The following EPHB1 variants were observed in gnomAD, a reference collection of about 807,000 sequenced individuals.
The protein encoded by EPHB1 is ephrin type-B receptor 1.
A neutral mutation model predicts 94.4 loss-of-function variants in EPHB1; 30 were observed. That is an observed-to-expected ratio of 0.32 (90% CI 0.24 to 0.43). The LOEUF is 0.43. EPHB1 is among the 20% of genes least tolerant of loss of function. The pLI is 1.00. For synonymous variants in EPHB1, 522 were observed against 489.1 expected (o/e 1.07, Z -0.89); for missense variants, 1,055 against 1,308.3 (o/e 0.81, Z 2.99).
At chr3:135,138,932 C>G (rs1367941857) in intron 5 of EPHB1, among the ~76,000 whole-genome samples, 2 of 152,204 alleles carry the variant, frequency 1.3e-5, no homozygotes, top group Non-Finnish European at 2.9e-5. Context: ...CTCAGAGGGT[C>G]GGCAGATGGC....
intron 12 of EPHB1, among the ~76,000 whole-genome samples, chr3:135,214,467 A>G (rs1483516870): frequency 1.3e-5 from 2 of 152,132 alleles, no homozygotes; most frequent in Non-Finnish European, 2.9e-5. Context: ...CCTTTCTACA[A>G]GGGTAATCTC....
chr3:134,885,731 A>G (rs1198469213), intron 1 of EPHB1, among the ~76,000 whole-genome samples: 4 of 152,328 alleles, frequency 2.6e-5, no homozygotes, highest in Admixed American at 2.6e-4. Flanking sequence ...ACTGTTGTCT[A>G]GGCAGAGCTC....
chr3:135,105,504 G>C (rs1939181817), intron 3 of EPHB1, among the ~76,000 whole-genome samples: 1 of 152,158 alleles, frequency 6.6e-6, no homozygotes, highest in Non-Finnish European at 1.5e-5. Context: ...AATCAATCTT[G>C]TGAGGGATCA....
At chr3:135,049,714 G>A (rs1937111376) in intron 3 of EPHB1, among the ~76,000 whole-genome samples, 1 of 152,194 alleles carries the variant, frequency 6.6e-6, no homozygotes, top group South Asian at 2.1e-4. Context: ...GGTACTTTGG[G>A]GACCAGGTTT....
intron 1 of EPHB1, among the ~76,000 whole-genome samples, chr3:134,843,299 T>C (rs2036810045): frequency 6.6e-6 from 1 of 152,220 alleles, no homozygotes; most frequent in Non-Finnish European, 1.5e-5. Context: ...TCTTTTCTTT[T>C]GTGGCATTGA....
At chr3:134,952,107 G>T (rs1933055121) in intron 3 of EPHB1, 55 bp downstream of exon 3, 3 of 1,523,570 alleles carry the variant, frequency 2.0e-6, no homozygotes, top group Non-Finnish European at 1.8e-6. Context: ...AGATCTGCAA[G>T]GTTTCCCCAC....
intron 15 of EPHB1, among the ~76,000 whole-genome samples, chr3:135,250,428 C>G (rs1576501356): frequency 6.6e-6 from 1 of 152,240 alleles, no homozygotes; most frequent in East Asian, 1.9e-4. Context: ...ATTCTGCTAC[C>G]TGTCCACCCC....
rs72981620 is a variant in EPHB1 at position 135,200,406 on chromosome 3, G to T, written c.2131-1068G>T. 7.9e-3 allele frequency among the ~76,000 whole-genome samples: 1,196 copies of T among 152,278 alleles called. 17 individuals carry two copies. The highest frequency in any genetic ancestry group is 0.027 in the African/African-American group (1,115 of 41,554). On this transcript the variant is annotated intron_variant, in intron 11 of 15. Coordinates refer to ENST00000398015, the MANE Select transcript of EPHB1 (RefSeq NM_004441.5). ...GCAACAGCTCCCATTCACTAGGAGA[G>T]TTCCCTGTGCCAGACGCTGTGCATG... is the stretch of plus-strand genomic sequence containing the variant.
At chr3:135,182,282 T>C (rs1329031569) in intron 10 of EPHB1, among the ~76,000 whole-genome samples, 1 of 152,226 alleles carries the variant, frequency 6.6e-6, no homozygotes, top group African/African-American at 2.4e-5. Flanking sequence ...AATGTTTCTC[T>C]TAGCCACTTG....
intron 1 of EPHB1, among the ~76,000 whole-genome samples, chr3:134,827,843 C>T (rs952873485): frequency 6.6e-6 from 1 of 152,122 alleles, no homozygotes; most frequent in Non-Finnish European, 1.5e-5. Context: ...CTGGCAGAAA[C>T]CGACCTGCAA....
chr3:135,131,182 T>C (rs998319885), intron 4 of EPHB1, among the ~76,000 whole-genome samples: 14 of 152,240 alleles, frequency 9.2e-5, no homozygotes, highest in African/African-American at 3.4e-4. Context: ...AATTCTGCCC[T>C]GTCACATGCG....
intron 3 of EPHB1, among the ~76,000 whole-genome samples, chr3:135,016,632 A>G (rs1032484590): frequency 6.6e-6 from 1 of 152,244 alleles, no homozygotes; most frequent in African/African-American, 2.4e-5. Context: ...CCAGTGCATC[A>G]GTCATAGGCA....
intron 6 of EPHB1, 162 bp downstream of exon 6, chr3:135,154,438 C>T (rs565460211): frequency 1.0e-5 from 10 of 994,788 alleles, no homozygotes; most frequent in South Asian, 1.8e-5. Flanking sequence ...TCTGCCCTGA[C>T]AAAGCCTTGT....
At position 135,112,696 on chromosome 3, in the gene EPHB1, A is replaced by G. The variant is rs552074527; in HGVS notation, c.961+6093A>G. On this transcript the variant is annotated intron_variant, in intron 4 of 15. Coordinates refer to ENST00000398015, the MANE Select transcript of EPHB1 (RefSeq NM_004441.5). ...AGAATGATGGTTTCCAGTTTCATCC[A>G]TGTCCCTACAAAGGACATGAACTCA... 3.6e-4 allele frequency among the ~76,000 whole-genome samples: 54 copies of G among 151,542 alleles called. 1 individual carries two copies. The highest frequency in any genetic ancestry group is 1.2e-3 in the African/African-American group (51 of 41,292).
At chr3:134,962,095 A>T (rs926887889) in intron 3 of EPHB1, among the ~76,000 whole-genome samples, 1 of 152,160 alleles carries the variant, frequency 6.6e-6, no homozygotes, top group Non-Finnish European at 1.5e-5. Flanking sequence ...TTTTGTTCCC[A>T]CCAGCAGTGT....
chr3:135,133,161 G>A, intron 5 of EPHB1, 112 bp downstream of exon 5: 1 of 1,090,542 alleles, frequency 9.2e-7, no homozygotes, highest in South Asian at 1.7e-5. Flanking sequence ...TCAGGCCTCT[G>A]CCCAGGAGTG....
rs116661449 is a variant in EPHB1 at position 134,896,129 on chromosome 3, T to C, written c.59-29687T>C. On this transcript the variant is annotated intron_variant, in intron 1 of 15. Coordinates refer to ENST00000398015, the MANE Select transcript of EPHB1 (RefSeq NM_004441.5). ...TTTTACAGGTACACCAGGACACATA[T>C]TGTGGCATGTTGAGGCCAGGGGCTA... Among the ~76,000 whole-genome samples, 596 of 152,222 alleles carry C rather than the reference T, an allele frequency of 3.9e-3. 3 individuals are homozygous for C. The highest frequency in any genetic ancestry group is 0.014 in the African/African-American group (561 of 41,546).
intron 3 of EPHB1, among the ~76,000 whole-genome samples, chr3:135,022,346 G>C (rs749873935): frequency 3.2e-4 from 49 of 152,088 alleles, no homozygotes; most frequent in Middle Eastern, 3.4e-3. Flanking sequence ...TCTTTTTTTA[G>C]TTACATTGCC....
chr3:135,025,099 T>C (rs1936106228), intron 3 of EPHB1, among the ~76,000 whole-genome samples: 1 of 137,120 alleles, frequency 7.3e-6, no homozygotes, highest in African/African-American at 2.6e-5. Context: ...CCTTCCTTCC[T>C]TCCCTCCCTC....
Sources: allele counts gnomAD v4.1 joint callset (sites outside exome capture counted in the v4.1 genomes callset), GRCh38; gene constraint gnomAD v4.1.1; transcripts MANE v1.5; gene names NCBI Gene and HGNC (gene_info 2026-07-23, HGNC 2026-07-21).